ZZEF1: variants seen among roughly 807,000 people sequenced by gnomAD.
ZZEF1 encodes zinc finger ZZ-type and EF-hand domain-containing protein 1.
Under a neutral mutation model 342.8 loss-of-function variants are expected in ZZEF1, and 157 were observed. That is an observed-to-expected ratio of 0.46 (90% confidence interval 0.40 to 0.52). The LOEUF (loss-of-function observed/expected upper bound fraction) is 0.52, where lower values mean the gene tolerates loss of function less well. Among genes scored for constraint, ZZEF1 ranks in the 20% least tolerant of loss-of-function variants. The pLI, the probability that ZZEF1 is intolerant of heterozygous loss-of-function variation, is 0.00. For missense variants in ZZEF1, 3,480 were observed against 3,725.6 expected (o/e 0.93, Z 1.72); for synonymous variants, 1,505 against 1,429.1 (o/e 1.05, Z -1.20).
At chr17:4,076,182 A>G (rs1216457077) in intron 21 of ZZEF1, 3 of 128,562 alleles carry the variant, frequency 2.3e-5, no homozygotes, top group African/African-American at 3.1e-5. Context: ...CCCAGGCGGG[A>G]GTGCAGTGGC....
intron 19 of ZZEF1, 31 bp downstream of exon 19, chr17:4,077,850 ATC>A (rs745877562): frequency 6.2e-7 from 1 of 1,607,514 alleles, no homozygotes; most frequent in South Asian, 1.1e-5. Context: ...CCCAAACGCC[ATC>A]TGTTTTCATG....
intron 33 of ZZEF1, among the ~76,000 whole-genome samples, chr17:4,055,053 C>T (rs188763671): frequency 6.6e-6 from 1 of 152,178 alleles, no homozygotes; most frequent in African/African-American, 2.4e-5. Context: ...AGTACTGTCC[C>T]TGGCACTTAC....
At chr17:4,142,070 G>A (rs903418630) in intron 1 of ZZEF1, among the ~76,000 whole-genome samples, 5 of 152,208 alleles carry the variant, frequency 3.3e-5, no homozygotes, top group African/African-American at 4.8e-5. Context: ...GCATGAGGAG[G>A]ATAGGTTTTA....
chr17:4,077,890 A>G lies in ZZEF1; in HGVS notation c.2982T>C (p.Ile994=). 6.2e-7 allele frequency: 1 copy of G among 1,613,266 alleles called. No individual in the cohort carries two copies. The highest frequency in any genetic ancestry group is 2.2e-5 in the East Asian group (1 of 44,878). ...SGAKDLAVDL[I]EKYVGQFLAS... ...TTTTATATTGAAACTCACATTTTTCAATAAGGTCCACGGCAAGATCTTTGG... is the reference window on the plus strand; with the variant it reads ...TTTTATATTGAAACTCACATTTTTCGATAAGGTCCACGGCAAGATCTTTGG... The change falls in exon 19 of 55, where the codon ATT becomes ATC. Residue 994 remains isoleucine, a synonymous_variant. Transcript: ENST00000381638.
At chr17:4,055,004 G>A (rs2057126956) in intron 33 of ZZEF1, among the ~76,000 whole-genome samples, 1 of 152,192 alleles carries the variant, frequency 6.6e-6, no homozygotes. Context: ...GTGGTTGGAC[G>A]ATGGTAGTGT....
At chr17:4,063,717 A>G (rs1442290075) in intron 29 of ZZEF1, among the ~76,000 whole-genome samples, 1 of 144,706 alleles carries the variant, frequency 6.9e-6, no homozygotes, top group Non-Finnish European at 1.5e-5. Context: ...AGGTGCCACC[A>G]CACTCAGGTC....
Position 4,127,671 on chromosome 17 carries a change from G to C in ZZEF1, c.355-3620C>G, listed in dbSNP as rs1467574641. Among the ~76,000 whole-genome samples the C allele has an allele frequency of 3.3e-5, 5 of 152,076 alleles. No individual in the cohort carries two copies. The East Asian group carries it at 9.6e-4, about 29-fold the overall frequency. On this transcript the variant is annotated intron_variant, in intron 1 of 54. Coordinates refer to ENST00000381638, the MANE Select transcript of ZZEF1 (RefSeq NM_015113.4). Reference sequence around the variant, plus strand: ...CGAGAGCAGTATGGCGTGTGGACTAGAAAATACCAGGCACAACTGAAAGTG... The same window carrying C: ...CGAGAGCAGTATGGCGTGTGGACTACAAAATACCAGGCACAACTGAAAGTG...
Position 4,142,842 on chromosome 17 carries a change from G to A in ZZEF1, c.54C>T (p.Gly18=). Residue 18 remains glycine (G), a synonymous_variant, in exon 1 of 55, where the codon GGC becomes GGT. Transcript: ENST00000381638. ...SSEDEAAAAG[G]EGWGPHQDWA... ...AGTCCTGGTGTGGGCCCCAGCCCTC[G>A]CCACCGGCAGCTGCCGCTTCGTCTT... 11 of 1,395,648 alleles carry A rather than the reference G, an allele frequency of 7.9e-6. No homozygotes were observed. The highest frequency in any genetic ancestry group is 1.5e-5 in the African/African-American group (1 of 65,994). 86.5% of individuals were successfully genotyped at this position (1,395,648 alleles called of 1,614,324 possible).
intron 1 of ZZEF1, among the ~76,000 whole-genome samples, chr17:4,124,842 T>C (rs1467005525): frequency 1.3e-5 from 2 of 152,124 alleles, no homozygotes; most frequent in Non-Finnish European, 1.5e-5. Context: ...TTAATTGTAA[T>C]CTAGCTTGTC....
intron 9 of ZZEF1, among the ~76,000 whole-genome samples, chr17:4,099,434 A>G (rs1979208): frequency 6.6e-6 from 1 of 151,932 alleles, no homozygotes; most frequent in Non-Finnish European, 1.5e-5. Flanking sequence ...GTTACCCAGG[A>G]TGGTCTCAAA....
intron 27 of ZZEF1, 89 bp downstream of exon 27, chr17:4,067,074 T>A: frequency 1.8e-6 from 2 of 1,110,520 alleles, no homozygotes; most frequent in Non-Finnish European, 2.6e-6. Context: ...AAAGCTATAT[T>A]CTTGAGAAGA....
At chr17:4,062,002 C>T (rs1015758787) in intron 30 of ZZEF1, among the ~76,000 whole-genome samples, 1 of 152,158 alleles carries the variant, frequency 6.6e-6, no homozygotes, top group Non-Finnish European at 1.5e-5. Context: ...CTTGGTATAA[C>T]ATCGAAATAC....
chr17:4,099,726 A>C (rs1339552124), intron 9 of ZZEF1, among the ~76,000 whole-genome samples: 1 of 151,308 alleles, frequency 6.6e-6, no homozygotes, highest in African/African-American at 2.4e-5. Flanking sequence ...TTGTACTGTT[A>C]GTAGAGATGG....
intron 5 of ZZEF1, among the ~76,000 whole-genome samples, chr17:4,111,643 T>C (rs2058301575): frequency 8.7e-6 from 1 of 114,542 alleles, no homozygotes; most frequent in Non-Finnish European, 1.8e-5. Flanking sequence ...CAGGCGACAA[T>C]GCGAGGCTCT....
In ZZEF1 at chr17:4,064,797, G is replaced by A; in HGVS notation, c.4282C>T (p.Leu1428=). 1.3e-6 allele frequency: 2 copies of A among 1,533,716 alleles called. No individual in the cohort carries two copies. Among genetic ancestry groups the A allele is most frequent in the Non-Finnish European group, 1.8e-6 (2 of 1,132,040 alleles). Residue 1428 remains leucine (L), a synonymous_variant, in exon 29 of 55, where the codon CTA becomes TTA. Transcript: ENST00000381638. ...KECIEKSLLL[L]KFLPTGISSK... ...CTTATGCCCGTGGGCAGAAATTTTA[G>A]TAATAGAAGACTCTTCTCAATGCAC...
At chr17:4,045,738 G>A (rs920037619) in intron 37 of ZZEF1, among the ~76,000 whole-genome samples, 1 of 152,020 alleles carries the variant, frequency 6.6e-6, no homozygotes, top group Non-Finnish European at 1.5e-5. Flanking sequence ...AAAACCGGAT[G>A]CTACTCCTAA....
intron 43 of ZZEF1, among the ~76,000 whole-genome samples, chr17:4,023,810 C>A (rs2056332890): frequency 6.6e-6 from 1 of 152,004 alleles, no homozygotes; most frequent in Admixed American, 6.6e-5. Context: ...CCAGCCTGGG[C>A]AACAGAGCGA....
In ZZEF1 at chr17:4,142,875, G is replaced by A. The variant is rs2058891840; in HGVS notation, c.21C>T (p.His7=). 7.3e-7 allele frequency: 1 copy of A among 1,375,890 alleles called. No individual in the cohort carries two copies. The highest frequency in any genetic ancestry group is 9.3e-7 in the Non-Finnish European group (1 of 1,073,390). 85.2% of individuals were successfully genotyped at this position (1,375,890 alleles called of 1,614,324 possible). The change falls in exon 1 of 55, where the codon CAC becomes CAT. Residue 7 remains histidine, a synonymous_variant. Coordinates refer to ENST00000381638, the MANE Select transcript of ZZEF1 (RefSeq NM_015113.4). MGNAPS[H]SSEDEAAAAG... is the part of the protein sequence containing the mutation. ...CAGCTGCCGCTTCGTCTTCACTGCTGTGACTCGGAGCGTTCCCCATGGGGT... is the reference window on the plus strand; with the variant it reads ...CAGCTGCCGCTTCGTCTTCACTGCTATGACTCGGAGCGTTCCCCATGGGGT...
chr17:4,094,570 C>T (rs558923820), intron 11 of ZZEF1, among the ~76,000 whole-genome samples: 1 of 152,302 alleles, frequency 6.6e-6, no homozygotes, highest in Admixed American at 6.5e-5. Flanking sequence ...GGCTACCGAA[C>T]ACCTCAAAGG....
Sources: gnomAD v4.1 joint callset for allele counts (sites outside exome capture counted in the v4.1 genomes callset) on GRCh38, gnomAD v4.1.1 for gene constraint, MANE v1.5 for transcripts, NCBI Gene and HGNC (gene_info 2026-07-23, HGNC 2026-07-21) for gene names.